Variants in ZMAT4 observed in about 807,000 individuals in gnomAD.
The protein encoded by ZMAT4 is zinc finger matrin-type protein 4.
A neutral mutation model predicts 28.7 loss-of-function variants in ZMAT4; 17 were observed. The ratio of observed to expected loss-of-function variants is 0.59; its 90% CI spans 0.41 to 0.89. ZMAT4 has a LOEUF of 0.89. ZMAT4 is among the 40% of genes least tolerant of loss of function. ZMAT4 has a pLI of 0.00. For synonymous variants in ZMAT4, 117 were observed against 109.2 expected, an observed-to-expected ratio of 1.07 and a Z score of -0.44; for missense variants, 240 against 283.8, an observed-to-expected ratio of 0.85 and a Z score of 1.11.
In ZMAT4 at chr8:40,637,507, G is replaced by T. The variant is rs184024558; in HGVS notation, c.577+37197C>A. On this transcript the variant is annotated intron_variant, in intron 5 of 6. Coordinates refer to ENST00000297737, the MANE Select transcript of ZMAT4 (RefSeq NM_024645.3). ...TCAAGTTGTGCACCTACCACTCCTTGTCTCCCCAGAAAGAGAGAGAGGGAG... is the reference window on the plus strand; with the variant it reads ...TCAAGTTGTGCACCTACCACTCCTTTTCTCCCCAGAAAGAGAGAGAGGGAG... Among the ~76,000 whole-genome samples the T allele has an allele frequency of 3.1e-3, 474 of 152,286 alleles. 1 individual carries two copies. The highest frequency in any genetic ancestry group is 0.011 in the African/African-American group (452 of 41,564).
At chr8:40,539,685 T>C (rs1234907821) in intron 6 of ZMAT4, among the ~76,000 whole-genome samples, 2 of 152,224 alleles carry the variant, frequency 1.3e-5, no homozygotes, top group African/African-American at 4.8e-5. Context: ...CCACTAAACA[T>C]TTAGAAATGC....
At chr8:40,763,855 A>T (rs1813034080) in intron 3 of ZMAT4, among the ~76,000 whole-genome samples, 1 of 152,148 alleles carries the variant, frequency 6.6e-6, no homozygotes, top group Non-Finnish European at 1.5e-5. Flanking sequence ...GATGACACTA[A>T]CCAAATGCCA....
intron 2 of ZMAT4, among the ~76,000 whole-genome samples, chr8:40,768,317 T>C (rs889087027): frequency 6.6e-5 from 10 of 152,214 alleles, no homozygotes; most frequent in African/African-American, 2.4e-4. Flanking sequence ...CAGCAGATGA[T>C]GCAGTTGAGC....
chr8:40,611,245 AG>A lies in ZMAT4; in HGVS notation c.578-29985del, dbSNP rs1240822877. On this transcript the variant is annotated intron_variant, in intron 5 of 6. Coordinates refer to ENST00000297737, the MANE Select transcript of ZMAT4 (RefSeq NM_024645.3). ...AATACAGGCCTAGCATATCAGCTAC[AG>A]CATTATTTAGGTTGTGGTCCATTTA... Among the ~76,000 whole-genome samples, 11 of 152,332 alleles carry A rather than the reference AG, an allele frequency of 7.2e-5. No individual in the cohort carries two copies. In the East Asian group the frequency reaches 1.9e-3, roughly 27 times the overall value.
intron 2 of ZMAT4, among the ~76,000 whole-genome samples, chr8:40,822,320 T>C: frequency 6.6e-6 from 1 of 152,158 alleles, no homozygotes; most frequent in Admixed American, 6.5e-5. Context: ...ATACAGAAAA[T>C]ACGCAGTGGA....
chr8:40,756,875 A>T (rs1011693054), intron 3 of ZMAT4, among the ~76,000 whole-genome samples: 2 of 152,130 alleles, frequency 1.3e-5, no homozygotes, highest in African/African-American at 4.8e-5. Context: ...GTGATCTGTT[A>T]GCACTGAGCT....
At chr8:40,543,927 A>G (rs1056754932) in intron 6 of ZMAT4, among the ~76,000 whole-genome samples, 2 of 152,178 alleles carry the variant, frequency 1.3e-5, no homozygotes, top group Admixed American at 6.5e-5. Context: ...ATTGAATTTA[A>G]TATATTGAAG....
At chr8:40,820,081 C>A (rs374954554) in intron 2 of ZMAT4, among the ~76,000 whole-genome samples, 2 of 151,754 alleles carry the variant, frequency 1.3e-5, no homozygotes, top group Admixed American at 6.6e-5. Flanking sequence ...CCATTATACA[C>A]CATTTCACTT....
intron 1 of ZMAT4, among the ~76,000 whole-genome samples, chr8:40,858,392 CA>C (rs1817372585): frequency 6.6e-6 from 1 of 152,318 alleles, no homozygotes; most frequent in Admixed American, 6.5e-5. Context: ...AGGCCATGTG[CA>C]AAACAGATCC....
chr8:40,732,449 G>T (rs942435140), intron 3 of ZMAT4, among the ~76,000 whole-genome samples: 1 of 152,150 alleles, frequency 6.6e-6, no homozygotes, highest in African/African-American at 2.4e-5. Context: ...AACCCAAGTA[G>T]AAAAGAGGCA....
intron 3 of ZMAT4, among the ~76,000 whole-genome samples, chr8:40,728,292 T>A (rs1227689920): frequency 6.6e-6 from 1 of 152,224 alleles, no homozygotes; most frequent in African/African-American, 2.4e-5. Flanking sequence ...GGTATATTAG[T>A]TAAAGTGATG....
chr8:40,802,067 A>T (rs1272183365), intron 2 of ZMAT4, among the ~76,000 whole-genome samples: 1 of 152,194 alleles, frequency 6.6e-6, no homozygotes, highest in Non-Finnish European at 1.5e-5. Context: ...AGGAATAGAG[A>T]AACATTTTCT....
At chr8:40,884,139 C>A (rs539643133) in intron 1 of ZMAT4, among the ~76,000 whole-genome samples, 37 of 152,284 alleles carry the variant, frequency 2.4e-4, no homozygotes, top group Non-Finnish European at 1.8e-4. Flanking sequence ...ATCCACCATG[C>A]TACTCTCTGA....
intron 6 of ZMAT4, among the ~76,000 whole-genome samples, chr8:40,578,259 A>G (rs899073561): frequency 3.3e-5 from 5 of 152,176 alleles, no homozygotes; most frequent in African/African-American, 9.6e-5. Flanking sequence ...AAAAATGTCT[A>G]TGATGGTCTT....
intron 3 of ZMAT4, among the ~76,000 whole-genome samples, chr8:40,706,255 C>G (rs999647073): frequency 2.0e-5 from 3 of 152,058 alleles, no homozygotes; most frequent in Non-Finnish European, 4.4e-5. Context: ...GGGGTTTCAC[C>G]GTGTTAGACA....
chr8:40,855,014 A>T (rs1031498207), intron 1 of ZMAT4, among the ~76,000 whole-genome samples: 3 of 152,182 alleles, frequency 2.0e-5, no homozygotes, highest in African/African-American at 7.2e-5. Flanking sequence ...CATTTTTGAG[A>T]TGAAGTTTAT....
intron 2 of ZMAT4, among the ~76,000 whole-genome samples, chr8:40,771,200 G>A (rs1474154837): frequency 1.3e-5 from 2 of 150,666 alleles, no homozygotes; most frequent in Non-Finnish European, 2.9e-5. Flanking sequence ...GTTTTTAAAT[G>A]TATATTATAT....
At chr8:40,695,316 T>G (rs987225289) in intron 4 of ZMAT4, among the ~76,000 whole-genome samples, 18 of 152,204 alleles carry the variant, frequency 1.2e-4, no homozygotes, top group African/African-American at 4.3e-4. Context: ...GGAGCCAGTT[T>G]AGCTTCCTAG....
chr8:40,716,473 C>T (rs868616945), intron 3 of ZMAT4, among the ~76,000 whole-genome samples: 4 of 152,268 alleles, frequency 2.6e-5, no homozygotes, highest in Middle Eastern at 3.4e-3. Context: ...AGGCAGATCA[C>T]CTGAGGTCAG....
Sources: gnomAD v4.1 joint callset for allele counts (sites outside exome capture counted in the v4.1 genomes callset) on GRCh38, gnomAD v4.1.1 for gene constraint, MANE v1.5 for transcripts, NCBI Gene and HGNC (gene_info 2026-07-23, HGNC 2026-07-21) for gene names.